MED25: variants seen among roughly 807,000 people sequenced by gnomAD.
The protein encoded by MED25 is mediator of RNA polymerase II transcription subunit 25.
A neutral mutation model predicts 89.4 loss-of-function variants in MED25; 62 were observed. That is an observed-to-expected ratio of 0.69 (90% CI 0.57 to 0.86). MED25 has a LOEUF of 0.86. Ranked by LOEUF, MED25 falls within the 40% of genes least tolerant of loss-of-function variation. MED25 has a pLI of 0.00. For missense variants in MED25, 905 were observed against 1,005.2 expected (o/e 0.90, Z 1.35); for synonymous variants, 449 against 427.9 (o/e 1.05, Z -0.61).
chr19:49,830,088 T>G lies in MED25; in HGVS notation c.689T>G (p.Val230Gly). 1.9e-6 allele frequency: 3 copies of G among 1,607,018 alleles called. No individual in the cohort carries two copies. The highest frequency in any genetic ancestry group is 2.5e-6 in the Non-Finnish European group (3 of 1,177,518). The part of the protein sequence containing the change: ...MVLVRGLVLP[V>G]GGGSAPGPLQ... ...GGTTGGCCATCCCTCCTGCTCTCAG[T>G]TGGGGGTGGCTCAGCCCCAGGCCCC... The change falls in exon 7 of 18, where the codon GTT (valine) becomes GGT (glycine). Residue 230 changes from valine (V) to glycine (G), a missense_variant and splice_region_variant. This residue lies in a region of MED25 where 501 missense variants were observed against 526.9 expected (regional missense o/e 0.95). Coordinates refer to ENST00000312865, the MANE Select transcript of MED25 (RefSeq NM_030973.4). The surrounding 1 kb of genome is among the most constrained non-coding windows in gnomAD (Gnocchi z 4.6).
Position 49,836,377 on chromosome 19 carries a change from C to T in MED25, c.2117C>T (p.Ala706Val). 2 of 1,604,676 alleles carry T rather than the reference C, an allele frequency of 1.2e-6. No individual in the cohort carries two copies. Among genetic ancestry groups the T allele is most frequent in the Non-Finnish European group, 1.7e-6 (2 of 1,175,894 alleles). The change falls in exon 17 of 18, where the codon GCA becomes GTA. Residue 706 changes from alanine (A) to valine (V), a missense_variant. Physicochemically the swap from Ala to Val is moderately conservative, Grantham distance 64. Coordinates refer to ENST00000312865, the MANE Select transcript of MED25 (RefSeq NM_030973.4). The surrounding 1 kb of genome is among the most constrained non-coding windows in gnomAD (Gnocchi z 5.1). ...LHPPPAQSWP[A>V]QLPPRAPLPG... ...CCACCACCTGCCCAGTCCTGGCCCG[C>T]ACAACTTCCCCCTCGGGCTCCACTG...
chr19:49,819,419 G>A (rs2073966767), intron 3 of MED25, 123 bp downstream of exon 3: 1 of 1,077,248 alleles, frequency 9.3e-7, no homozygotes, highest in Admixed American at 2.1e-5. Flanking sequence ...GGGGTGGTTG[G>A]TGTCCCCGTG....
intron 11 of MED25, 37 bp downstream of exon 11, chr19:49,832,058 G>A: frequency 6.2e-7 from 1 of 1,613,864 alleles, no homozygotes; most frequent in Non-Finnish European, 8.5e-7. Context: ...GGTGGGGCTG[G>A]GGCTGGCCCC....
Position 49,829,172 on chromosome 19 carries a change from C to T in MED25, c.525+82C>T. ...AGGCAGGAGGCACTGAGGGCCTGGA[C>T]TCCTGGGTCTGAGGGAGGAGGCACT... is the stretch of plus-strand genomic sequence containing the variant. On this transcript the variant is annotated intron_variant, in intron 5 of 17. Transcript: ENST00000312865. This position sits in a 1 kb window ranked among gnomAD's most constrained non-coding sequence, Gnocchi z 4.6. The T allele has an allele frequency of 2.3e-6, 3 of 1,299,552 alleles. No individual in the cohort carries two copies. Among genetic ancestry groups the T allele is most frequent in the South Asian group, 2.5e-5 (2 of 80,750 alleles). 80.5% of individuals were successfully genotyped at this position (1,299,552 alleles called of 1,614,324 possible).
In MED25 at chr19:49,831,756, G is replaced by T. The variant is rs565061672; in HGVS notation, c.1231-180G>T. Reference sequence around the variant, plus strand: ...GTGGATGGTGGGATTTAGGGGCCGGGCACGTAGCTGTAACATTTGAGGAAC... The same window carrying T: ...GTGGATGGTGGGATTTAGGGGCCGGTCACGTAGCTGTAACATTTGAGGAAC... On this transcript the variant is annotated intron_variant, in intron 10 of 17. Transcript: ENST00000312865. This position sits in a 1 kb window ranked among gnomAD's most constrained non-coding sequence, Gnocchi z 5.0. Among the ~76,000 whole-genome samples, 1 of 152,176 alleles carries T rather than the reference G, an allele frequency of 6.6e-6. No individual in the cohort carries two copies. The highest frequency in any genetic ancestry group is 1.9e-4 in the East Asian group (1 of 5,172).
In MED25 at chr19:49,832,092, GC is replaced by G. The variant is rs2074062033; in HGVS notation, c.1317-3del. ...CCCTCCTCACACCTCTCCTGGCATC[GC>G]CCCCAGGAAGACGGAGCAGTGGCCC... On this transcript the variant is annotated splice_polypyrimidine_tract_variant and splice_region_variant and intron_variant, in intron 11 of 17. Transcript: ENST00000312865. 6.2e-7 allele frequency: 1 copy of G among 1,613,574 alleles called. No individual in the cohort carries two copies. The highest frequency in any genetic ancestry group is 8.5e-7 in the Non-Finnish European group (1 of 1,180,010).
intron 3 of MED25, among the ~76,000 whole-genome samples, chr19:49,822,741 G>A (rs954232127): frequency 7.2e-6 from 1 of 139,648 alleles, no homozygotes; most frequent in Non-Finnish European, 1.5e-5. Context: ...TCCGCCTCCC[G>A]AGTTCACGCC....
chr19:49,838,301 C>T (rs1403582789), downstream of MED25: 3 of 339,382 alleles, frequency 8.8e-6, no homozygotes, highest in African/African-American at 4.3e-5. Context: ...TTCACACACA[C>T]ACACGCACAC....
chr19:49,831,639 G>A lies in MED25; in HGVS notation c.1230+178G>A, dbSNP rs370221969. 1.3e-5 allele frequency among the ~76,000 whole-genome samples: 2 copies of A among 152,170 alleles called. No homozygotes were observed. The highest frequency in any genetic ancestry group is 1.9e-4 in the East Asian group (1 of 5,186). On this transcript the variant is annotated intron_variant, in intron 10 of 17. Coordinates refer to ENST00000312865, the MANE Select transcript of MED25 (RefSeq NM_030973.4). The surrounding 1 kb of genome is among the most constrained non-coding windows in gnomAD (Gnocchi z 5.0). ...AGCCCCATGGAGTGGTGGGACTTGC[G>A]GTACAGAGGAGAGTCCCCATGCAAA... is the stretch of plus-strand genomic sequence containing the variant.
Position 49,831,398 on chromosome 19 carries a change from CGGT to C in MED25, c.1170_1172del (p.Gly391del). ...CAGCCCAGCTGGGAGCCCCAGCCCTCGGTGGGCAGCAGTCAGTCTCCAATAAGC... is the reference window on the plus strand; with the variant it reads ...CAGCCCAGCTGGGAGCCCCAGCCCTCGGGCAGCAGTCAGTCTCCAATAAGC... On this transcript the variant is annotated inframe_deletion, in exon 10 of 18. Coordinates refer to ENST00000312865, the MANE Select transcript of MED25 (RefSeq NM_030973.4). This position sits in a 1 kb window ranked among gnomAD's most constrained non-coding sequence, Gnocchi z 5.0. 1 of 1,611,034 alleles carries C rather than the reference CGGT, an allele frequency of 6.2e-7. No individual in the cohort carries two copies. Among genetic ancestry groups the C allele is most frequent in the South Asian group, 1.1e-5 (1 of 90,246 alleles).
rs1568623189 is a variant in MED25, at chr19:49,830,757, C to CA, written c.972dup (p.Ala325SerfsTer74). Reference sequence around the variant, plus strand: ...GTGGGTCCCCCCTTCAGCCAGGCCCCAGCTCCCCAACTACCCCCAGGACCC... The same window carrying CA: ...GTGGGTCCCCCCTTCAGCCAGGCCCCAAGCTCCCCAACTACCCCCAGGACCC... On this transcript the variant is annotated frameshift_variant, in exon 9 of 18. Coordinates refer to ENST00000312865, the MANE Select transcript of MED25 (RefSeq NM_030973.4). LOFTEE classifies it high-confidence loss of function. The surrounding 1 kb of genome is among the most constrained non-coding windows in gnomAD (Gnocchi z 4.6). 6.2e-7 allele frequency: 1 copy of CA among 1,613,664 alleles called. No homozygotes were observed. The highest frequency in any genetic ancestry group is 8.5e-7 in the Non-Finnish European group (1 of 1,179,764).
intron 3 of MED25, among the ~76,000 whole-genome samples, chr19:49,822,740 C>T (rs2073992024): frequency 1.3e-5 from 2 of 150,478 alleles, no homozygotes; most frequent in South Asian, 2.1e-4. Flanking sequence ...CTCCGCCTCC[C>T]GAGTTCACGC....
Position 49,836,260 on chromosome 19 carries a change from TCCA to T in MED25, c.2006_2008del (p.His669del). 1 of 1,612,250 alleles carries T rather than the reference TCCA, an allele frequency of 6.2e-7. No homozygotes were observed. The highest frequency in any genetic ancestry group is 8.5e-7 in the Non-Finnish European group (1 of 1,179,728). Reference sequence around the variant, plus strand: ...GGGGTGCCCCCACCCCAGGCCTCCCTCCACCACCTCCAGCCACCAGGGGCTCCT... The same window carrying T: ...GGGGTGCCCCCACCCCAGGCCTCCCTCCACCTCCAGCCACCAGGGGCTCCT... On this transcript the variant is annotated inframe_deletion, in exon 17 of 18. Transcript: ENST00000312865. The surrounding 1 kb of genome is among the most constrained non-coding windows in gnomAD (Gnocchi z 5.1).
In MED25 at chr19:49,832,072, C is replaced by A. The variant is rs201263206; in HGVS notation, c.1317-28C>A. The A allele has an allele frequency of 1.7e-5, 28 of 1,613,926 alleles. No homozygotes were observed. The African/African-American group carries it at 3.3e-4, about 19-fold the overall frequency. On this transcript the variant is annotated intron_variant, in intron 11 of 17. Transcript: ENST00000312865. ...TGGTGGGGCTGGGGCTGGCCCCCTC[C>A]TCACACCTCTCCTGGCATCGCCCCC...
chr19:49,819,203 TC>T lies in MED25; in HGVS notation c.213del (p.Phe71LeufsTer143), dbSNP rs1399055465. On this transcript the variant is annotated frameshift_variant, in exon 3 of 18. Transcript: ENST00000312865. LOFTEE classifies it high-confidence loss of function. Reference protein sequence around the residue: ...YGGTQYSLVVFNTVDCAPESY... With the variant: ...YGGTQYSLVVXNTVDCAPESY... The stretch of plus-strand genomic sequence containing the variant: ...GGGACCCAGTACAGCCTCGTGGTGT[TC>T]AACACAGTGGACTGCGCTCCCGAGT... 11 of 1,614,208 alleles carry T rather than the reference TC, an allele frequency of 6.8e-6. No individual in the cohort carries two copies. The highest frequency in any genetic ancestry group is 2.2e-5 in the East Asian group (1 of 44,882).
rs761630309 is a variant in MED25, at chr19:49,836,888, C to G, written c.2188C>G (p.Gln730Glu). 1 of 1,612,736 alleles carries G rather than the reference C, an allele frequency of 6.2e-7. No individual in the cohort carries two copies. The highest frequency in any genetic ancestry group is 2.2e-5 in the East Asian group (1 of 44,856). The change falls in exon 18 of 18, where the codon CAG becomes GAG. Residue 730 changes from glutamine to glutamate, a missense_variant. Gln to Glu is a conservative substitution (Grantham distance 29, BLOSUM62 2). Around this residue, in one of 3 missense-constraint regions of MED25, gnomAD observed 271 missense variants for 258.1 expected, o/e 1.05. Transcript: ENST00000312865. The surrounding 1 kb of genome is among the most constrained non-coding windows in gnomAD (Gnocchi z 5.1). ...CGGGGGTCCCCGGGGCCCGGTCCCC[C>G]AGCCGGGCCTGCAGCCCAGCGTCAT... ...LSGGPRGPVP[Q>E]PGLQPSVMED... is the part of the protein sequence containing the mutation.
At chr19:49,826,020 T>G (rs1374688337) in intron 3 of MED25, among the ~76,000 whole-genome samples, 1 of 152,058 alleles carries the variant, frequency 6.6e-6, no homozygotes, top group Non-Finnish European at 1.5e-5. Flanking sequence ...CCCAACTCTT[T>G]GCACACAGTT....
chr19:49,827,159 T>TC (rs2123874020), intron 3 of MED25, among the ~76,000 whole-genome samples: 2 of 151,924 alleles, frequency 1.3e-5, no homozygotes, highest in South Asian at 4.2e-4. Context: ...TCCACACACG[T>TC]CCCCTGCAGC....
chr19:49,819,286 GA>G lies in MED25; in HGVS notation c.296del (p.Asp99ValfsTer115). The G allele has an allele frequency of 6.3e-7, 1 of 1,594,922 alleles. No individual in the cohort carries two copies. Among genetic ancestry groups the G allele is most frequent in the Non-Finnish European group, 8.5e-7 (1 of 1,172,108 alleles). On this transcript the variant is annotated frameshift_variant, in exon 3 of 18. Transcript: ENST00000312865. LOFTEE classifies it high-confidence loss of function. ...SSAYEFVTWL[D>X]GIKFMGGGGE... Reference sequence around the variant, plus strand: ...CGCCTATGAGTTTGTCACCTGGCTCGATGGCATTAAGTGAGCTTTCCCCCAC... The same window carrying G: ...CGCCTATGAGTTTGTCACCTGGCTCGTGGCATTAAGTGAGCTTTCCCCCAC...
Sources: allele counts gnomAD v4.1 joint callset (sites outside exome capture counted in the v4.1 genomes callset), GRCh38; gene constraint gnomAD v4.1.1; regional missense constraint gnomAD v4.1.1; non-coding constraint Gnocchi (gnomAD v3.1); transcripts MANE v1.5; gene names NCBI Gene and HGNC (gene_info 2026-07-23, HGNC 2026-07-21).